Variants in EFS observed in about 807,000 individuals in gnomAD.
EFS encodes the protein embryonal Fyn-associated substrate, also known as Cas scaffolding protein family member 3.
In EFS, 34 loss-of-function variants were observed where a neutral mutation model predicts 42.2. The observed-to-expected ratio is 0.81, with a 90% CI of 0.61 to 1.07. EFS has a LOEUF of 1.07. EFS is among the 50% of genes least tolerant of loss of function. The pLI is 0.00. For missense variants in EFS, 717 were observed against 729.4 expected (o/e 0.98, Z 0.20); for synonymous variants, 299 against 320.7 (o/e 0.93, Z 0.72).
chr14:23,360,816 TGCCCGG>T lies in EFS; in HGVS notation c.30_35del (p.Arg11_Ala12del), dbSNP rs747569514. On this transcript the variant is annotated inframe_deletion, in exon 2 of 6. Coordinates refer to ENST00000216733, the MANE Select transcript of EFS (RefSeq NM_005864.4). Reference sequence around the variant, plus strand: ...GGGACTCAGCGGTGTTGTCATACAGTGCCCGGGCCAGCTGGGTCTGGTTGGGGAGGT... The same window carrying T: ...GGGACTCAGCGGTGTTGTCATACAGTGCCAGCTGGGTCTGGTTGGGGAGGT... 3.1e-5 allele frequency: 50 copies of T among 1,610,284 alleles called. No homozygotes were observed. In the African/African-American group the frequency reaches 6.2e-4, roughly 20 times the overall value.
rs891692999 is a variant in EFS at position 23,356,417 on chromosome 14, T to A, written c.*809A>T. On this transcript the variant is annotated 3_prime_UTR_variant, in exon 6 of 6. Transcript: ENST00000216733. ...ATGTCGAATCTATGGCAGGTTTATGTTTTTATTTATGTATTTTAACTGACT... is the reference window on the plus strand; with the variant it reads ...ATGTCGAATCTATGGCAGGTTTATGATTTTATTTATGTATTTTAACTGACT... The A allele has an allele frequency of 7.9e-5, 12 of 152,314 alleles. No individual in the cohort carries two copies. The highest frequency in any genetic ancestry group is 5.9e-4 in the Admixed American group (9 of 15,296). The allele number at this position is 152,314 out of a possible 1,614,324, so 9.4% of individuals were successfully genotyped here. A position where few individuals can be genotyped will look rare whatever the true frequency, so the allele number is the denominator to read the frequency against.
rs1402276695 is a variant in EFS, at chr14:23,359,323, G to A, written c.1155C>T (p.His385=). ...GCTGCCAAGGGGCGCTCACCTTCAG[G>A]TGGACATAGTCATACTCCTCGGCCA... ...IPMAEEYDYV[H]LKGMDKAQGS... is the part of the protein sequence containing the mutation. The change falls in exon 4 of 6, where the codon CAC becomes CAT. Residue 385 remains histidine, a synonymous_variant. Transcript: ENST00000216733. The A allele has an allele frequency of 6.2e-7, 1 of 1,612,944 alleles. No individual in the cohort carries two copies.
At chr14:23,364,448 G>A (rs568575692) in intron 1 of EFS, among the ~76,000 whole-genome samples, 1 of 152,082 alleles carries the variant, frequency 6.6e-6, no homozygotes, top group Non-Finnish European at 1.5e-5. Flanking sequence ...CCTTTGTCCC[G>A]ATCCCTGGAA....
Position 23,360,222 on chromosome 14 carries a change from A to G in EFS, c.357T>C (p.Pro119=). The change falls in exon 3 of 6, where the codon CCT becomes CCC. Residue 119 remains proline (P), a synonymous_variant. Transcript: ENST00000216733. ...PCPTSGPPAG[P]CPPSPDLIYK... Reference sequence around the variant, plus strand: ...AGATGAGGTCAGGAGAGGGTGGGCAAGGTCCAGCTGGAGGTCCTGAGGTTG... The same window carrying G: ...AGATGAGGTCAGGAGAGGGTGGGCAGGGTCCAGCTGGAGGTCCTGAGGTTG... The G allele has an allele frequency of 6.2e-7, 1 of 1,614,028 alleles. No individual in the cohort carries two copies. Among genetic ancestry groups the G allele is most frequent in the Non-Finnish European group, 8.5e-7 (1 of 1,179,996 alleles).
chr14:23,361,509 T>C (rs1000510609), intron 1 of EFS, among the ~76,000 whole-genome samples: 8 of 152,232 alleles, frequency 5.3e-5, no homozygotes, highest in Non-Finnish European at 1.2e-4. Context: ...GAGGTTACCA[T>C]GGAGAAAAGT....
At position 23,357,133 on chromosome 14, in the gene EFS, T is replaced by C. The variant is rs1889939243; in HGVS notation, c.*93A>G. The C allele has an allele frequency of 2.4e-6, 3 of 1,232,580 alleles. No individual in the cohort carries two copies. The highest frequency in any genetic ancestry group is 1.1e-6 in the Non-Finnish European group (1 of 913,486). The allele number at this position is 1,232,580 out of a possible 1,614,324, so 76.4% of individuals were successfully genotyped here. A position where few individuals can be genotyped will look rare whatever the true frequency, so the allele number is the denominator to read the frequency against. On this transcript the variant is annotated 3_prime_UTR_variant, in exon 6 of 6. Transcript: ENST00000216733. ...AGGAAAGGGGAAAGATACCCCCATT[T>C]CTCCTAGTCCCTTAACAAAGCCTTC...
chr14:23,365,076 CTT>C lies in EFS; in HGVS notation c.-53_-52del. On this transcript the variant is annotated 5_prime_UTR_variant, in exon 1 of 6. The change abolishes the stop of an existing upstream ORF in the 5' untranslated region. Coordinates refer to ENST00000216733, the MANE Select transcript of EFS (RefSeq NM_005864.4). This position sits in a 1 kb window ranked among gnomAD's most constrained non-coding sequence, Gnocchi z 5.3. ...CTCAGGCCAGGCTCGGTTTTGCTGA[CTT>C]CAGCGGTGGCTGCCCCGCACCATGG... is the stretch of plus-strand genomic sequence containing the variant. 7.9e-7 allele frequency: 1 copy of C among 1,272,592 alleles called. No homozygotes were observed. Among genetic ancestry groups the C allele is most frequent in the Middle Eastern group, 2.1e-4 (1 of 4,858 alleles). The allele number at this position is 1,272,592 out of a possible 1,614,324, so 78.8% of individuals were successfully genotyped here.
intron 5 of EFS, 129 bp from the exon 6 acceptor site, chr14:23,357,789 GT>G: frequency 3.8e-6 from 3 of 779,822 alleles, no homozygotes; most frequent in Non-Finnish European, 5.8e-6. Flanking sequence ...CCATCGGAAA[GT>G]TTAGATTCTA....
Position 23,359,918 on chromosome 14 carries a change from G to A in EFS, c.560C>T (p.Pro187Leu). 3.9e-6 allele frequency: 6 copies of A among 1,547,242 alleles called. No homozygotes were observed. Among genetic ancestry groups the A allele is most frequent in the Non-Finnish European group, 5.2e-6 (6 of 1,148,224 alleles). The part of the protein sequence containing the change: ...APQPPGEDDA[P>L]YDVPLTPKPP... ...CTTTGGGGTCAGAGGCACATCATAG[G>A]GAGCATCATCCTCTCCAGGGGGCTG... Residue 187 changes from proline (P) to leucine (L), a missense_variant, in exon 4 of 6, where the codon CCC becomes CTC. Coordinates refer to ENST00000216733, the MANE Select transcript of EFS (RefSeq NM_005864.4).
intron 1 of EFS, among the ~76,000 whole-genome samples, chr14:23,364,514 C>T (rs1890255885): frequency 6.6e-6 from 1 of 152,170 alleles, no homozygotes; most frequent in Non-Finnish European, 1.5e-5. Flanking sequence ...TCTTCTCTTT[C>T]TTGATCTCCC....
intron 1 of EFS, among the ~76,000 whole-genome samples, chr14:23,362,081 C>T (rs1230847792): frequency 6.6e-6 from 1 of 152,208 alleles, no homozygotes; most frequent in Non-Finnish European, 1.5e-5. Context: ...GCAAGTCAAG[C>T]GCATAGGAAA....
intron 1 of EFS, among the ~76,000 whole-genome samples, chr14:23,363,537 C>T (rs1890222646): frequency 6.6e-6 from 1 of 152,158 alleles, no homozygotes. Flanking sequence ...GGCTTCTGAA[C>T]CAGTATCTCT....
chr14:23,361,553 G>C (rs748902061), intron 1 of EFS, among the ~76,000 whole-genome samples: 24 of 152,214 alleles, frequency 1.6e-4, no homozygotes, highest in Non-Finnish European at 2.6e-4. Context: ...CACTGCCTGG[G>C]ATCCTTCCAG....
intron 1 of EFS, among the ~76,000 whole-genome samples, chr14:23,364,684 C>T (rs1167512302): frequency 1.3e-5 from 2 of 152,114 alleles, no homozygotes; most frequent in Non-Finnish European, 2.9e-5. Flanking sequence ...TGCCAACCAC[C>T]AGTGGCCATC....
rs912501899 is a variant in EFS at position 23,357,295 on chromosome 14, C to T, written c.1617G>A (p.Val539=). 1.2e-6 allele frequency: 2 copies of T among 1,608,288 alleles called. No individual in the cohort carries two copies. The highest frequency in any genetic ancestry group is 2.7e-5 in the African/African-American group (2 of 74,870). Reference sequence around the variant, plus strand: ...GCCCTGCCAGTTCTGTTACACACTGCACCATCTCTTGGATGGCAGGGCTGG... The same window carrying T: ...GCCCTGCCAGTTCTGTTACACACTGTACCATCTCTTGGATGGCAGGGCTGG... ...YPSSPAIQEM[V]QCVTELAGQA... is the part of the protein sequence containing the mutation. The change falls in exon 6 of 6, where the codon GTG becomes GTA. Residue 539 remains valine, a synonymous_variant. Coordinates refer to ENST00000216733, the MANE Select transcript of EFS (RefSeq NM_005864.4).
In EFS at chr14:23,357,331, C is replaced by G. The variant is rs1330435357; in HGVS notation, c.1581G>C (p.Leu527=). The change falls in exon 6 of 6, where the codon CTG becomes CTC. Residue 527 remains leucine, a synonymous_variant. Coordinates refer to ENST00000216733, the MANE Select transcript of EFS (RefSeq NM_005864.4). The part of the protein sequence containing the change: ...ATVLAVKGAA[L]GYPSSPAIQE... ...GGATGGCAGGGCTGGATGGGTAGCC[C>G]AGGGCAGCTCCCTTGACAGCCAGCA... 1 of 1,611,600 alleles carries G rather than the reference C, an allele frequency of 6.2e-7. No individual in the cohort carries two copies. Among genetic ancestry groups the G allele is most frequent in the African/African-American group, 1.3e-5 (1 of 74,906 alleles).
rs547155652 is a variant in EFS, at chr14:23,360,034, G to A, written c.444C>T (p.Tyr148=). ...CCCGGAGGGCGGTGGGGGGCACATC[G>A]TAGACCTGCGGAAAGGAGTGGTCAG... is the stretch of plus-strand genomic sequence containing the variant. ...LAAPRDALEV[Y]DVPPTALRVP... Residue 148 remains tyrosine (Y), a synonymous_variant, in exon 4 of 6, where the codon TAC becomes TAT. Transcript: ENST00000216733. The A allele has an allele frequency of 3.7e-6, 6 of 1,612,790 alleles. No individual in the cohort carries two copies. The highest frequency in any genetic ancestry group is 2.2e-5 in the South Asian group (2 of 90,904).
chr14:23,358,290 A>G (rs1397163218), intron 5 of EFS, among the ~76,000 whole-genome samples: 4 of 152,228 alleles, frequency 2.6e-5, no homozygotes, highest in Non-Finnish European at 4.4e-5. Context: ...AGGGCTTAGC[A>G]AAGTGCATTT....
rs769399321 is a variant in EFS, at chr14:23,360,723, C to T, written c.129G>A (p.Leu43=). Residue 43 remains leucine, a synonymous_variant, in exon 2 of 6, where the codon CTG becomes CTA. Transcript: ENST00000216733. ...RVLQREGAGG[L]DGWCLCSLHG... ...GTAGGGAGCAGAGGCACCAGCCGTCCAGTCCACCAGCGCCCTCTCTCTGCA... is the reference window on the plus strand; with the variant it reads ...GTAGGGAGCAGAGGCACCAGCCGTCTAGTCCACCAGCGCCCTCTCTCTGCA... The T allele has an allele frequency of 1.2e-5, 19 of 1,613,902 alleles. No individual in the cohort carries two copies. The Admixed American group carries it at 1.8e-4, about 16-fold the overall frequency.
Sources: gnomAD v4.1 joint callset for allele counts (sites outside exome capture counted in the v4.1 genomes callset) on GRCh38, gnomAD v4.1.1 for gene constraint, Gnocchi (gnomAD v3.1) non-coding constraint, MANE v1.5 for transcripts, NCBI Gene and HGNC (gene_info 2026-07-23, HGNC 2026-07-21) for gene names.